The following LIMS1 variants were observed in gnomAD, a reference collection of about 807,000 sequenced individuals.
LIMS1 encodes the protein LIM zinc finger domain containing 1.
In LIMS1, 18 loss-of-function variants were observed where a neutral mutation model predicts 44.1. That is an observed-to-expected ratio of 0.41 (90% CI 0.28 to 0.61). LIMS1 has a LOEUF of 0.61. Ranked by LOEUF, LIMS1 falls within the 20% of genes least tolerant of loss-of-function variation. LIMS1 has a pLI of 0.32. For synonymous variants in LIMS1, 93 were observed against 149.1 expected, an observed-to-expected ratio of 0.62 and a Z score of 2.74; for missense variants, 201 against 422.0, an observed-to-expected ratio of 0.48 and a Z score of 4.59.
intron 1 of LIMS1, among the ~76,000 whole-genome samples, chr2:108,549,129 A>G (rs1379413392): frequency 1.3e-5 from 2 of 152,070 alleles, no homozygotes; most frequent in Non-Finnish European, 2.9e-5. Context: ...ATAAATAATG[A>G]TGCGCAGTAT....
At chr2:108,544,393 A>G (rs1371697800) in intron 1 of LIMS1, among the ~76,000 whole-genome samples, 1 of 152,198 alleles carries the variant, frequency 6.6e-6, no homozygotes, top group Non-Finnish European at 1.5e-5. Flanking sequence ...ATGTCATGAA[A>G]TCTATGCTTT....
intron 1 of LIMS1, among the ~76,000 whole-genome samples, chr2:108,535,497 G>A (rs1262860328): frequency 6.6e-6 from 1 of 152,160 alleles, no homozygotes; most frequent in Admixed American, 6.5e-5. Flanking sequence ...TCCTTGGTCT[G>A]TCTTGCAGTT....
exon 10 of LIMS1, chr2:108,685,655 C>T (rs1558849067): frequency 6.6e-6 from 1 of 152,110 alleles, no homozygotes; most frequent in East Asian, 1.9e-4. Context: ...ATAATCATCA[C>T]ATAGTTTAAG....
rs148806948 is a variant in LIMS1 at position 108,619,931 on chromosome 2, C to T, written c.33-39674C>T. Reference sequence around the variant, plus strand: ...ATTACCGGTTTTTTGTATACCCTCCCGGAGACAGATGTAACTGTCAACTGA... The same window carrying T: ...ATTACCGGTTTTTTGTATACCCTCCTGGAGACAGATGTAACTGTCAACTGA... On this transcript the variant is annotated intron_variant, in intron 1 of 9. Coordinates refer to ENST00000544547, the Ensembl canonical transcript of LIMS1. Among the ~76,000 whole-genome samples the T allele has an allele frequency of 4.5e-3, 691 of 152,250 alleles. 2 individuals carry two copies. Among genetic ancestry groups the T allele is most frequent in the Non-Finnish European group, 5.9e-3 (398 of 68,020 alleles).
At chr2:108,589,071 A>G (rs558699930) in intron 1 of LIMS1, among the ~76,000 whole-genome samples, 34 of 152,260 alleles carry the variant, frequency 2.2e-4, no homozygotes, top group African/African-American at 7.9e-4. Flanking sequence ...TTGGTGGGGA[A>G]ATGTACTATT....
intron 1 of LIMS1, among the ~76,000 whole-genome samples, chr2:108,566,246 A>G (rs1685284426): frequency 6.6e-6 from 1 of 152,156 alleles, no homozygotes; most frequent in Non-Finnish European, 1.5e-5. Flanking sequence ...TTCCTGGCAT[A>G]TCACGCAGAG....
At chr2:108,578,860 C>T (rs1459531737) in intron 1 of LIMS1, among the ~76,000 whole-genome samples, 2 of 152,098 alleles carry the variant, frequency 1.3e-5, no homozygotes, top group Non-Finnish European at 2.9e-5. Flanking sequence ...TCCCAAAGTG[C>T]TGGGATTACA....
At chr2:108,583,146 C>T (rs1685951579) in intron 1 of LIMS1, among the ~76,000 whole-genome samples, 1 of 151,834 alleles carries the variant, frequency 6.6e-6, no homozygotes, top group Non-Finnish European at 1.5e-5. Context: ...TCAAGCAATG[C>T]CTCAGCCTCA....
chr2:108,590,364 G>A (rs1686319568), intron 1 of LIMS1, among the ~76,000 whole-genome samples: 1 of 152,190 alleles, frequency 6.6e-6, no homozygotes, highest in Non-Finnish European at 1.5e-5. Flanking sequence ...AAAAGAGGAT[G>A]ATCATTTTAA....
chr2:108,548,259 C>G (rs1684555456), intron 1 of LIMS1, among the ~76,000 whole-genome samples: 3 of 150,560 alleles, frequency 2.0e-5, no homozygotes, highest in African/African-American at 7.3e-5. Context: ...AGGGTAATTG[C>G]TGAAACAATT....
chr2:108,534,744 C>T (rs1227701287), intron 1 of LIMS1, 150 bp downstream of exon 1: 4 of 256,626 alleles, frequency 1.6e-5, no homozygotes, highest in East Asian at 3.6e-4. Flanking sequence ...CCCCAGCGCT[C>T]GGGTGGCGGC....
chr2:108,591,801 GT>G (rs771392534), intron 1 of LIMS1, among the ~76,000 whole-genome samples: 23,161 of 65,964 alleles, frequency 0.35, 1,984 homozygotes, highest in African/African-American at 0.39. Context: ...TTTTTTTTTT[GT>G]TTTTTTTTTT....
intron 9 of LIMS1, among the ~76,000 whole-genome samples, chr2:108,682,340 A>C (rs1693059213): frequency 6.6e-6 from 1 of 152,112 alleles, no homozygotes. Context: ...TCTACTAAAA[A>C]TACAAAAAAA....
chr2:108,551,598 ATATATATATGTATATATATG>A (rs201865902), intron 1 of LIMS1, among the ~76,000 whole-genome samples: 1 of 140,638 alleles, frequency 7.1e-6, no homozygotes, highest in Non-Finnish European at 1.5e-5. Context: ...CATGGTTCCT[ATATATATATGTATATATATG>A]TATATATGTG....
chr2:108,535,091 T>C (rs962561221), intron 1 of LIMS1, among the ~76,000 whole-genome samples: 3 of 152,216 alleles, frequency 2.0e-5, no homozygotes, highest in Non-Finnish European at 2.9e-5. Context: ...AGGGTTTTGC[T>C]AAAACAAAAG....
At chr2:108,637,095 ATATATGTGTGTG>A (rs1245606861) in intron 1 of LIMS1, among the ~76,000 whole-genome samples, 3 of 81,508 alleles carry the variant, frequency 3.7e-5, no homozygotes, top group East Asian at 2.2e-3. Context: ...CAAAATATAC[ATATATGTGTGTG>A]TGTGTGTGTG....
intron 1 of LIMS1, among the ~76,000 whole-genome samples, chr2:108,557,763 G>T (rs141450568): frequency 6.6e-6 from 1 of 152,138 alleles, no homozygotes; most frequent in African/African-American, 2.4e-5. Context: ...TGATCCACCT[G>T]CCTCAGCCTC....
At chr2:108,667,688 T>C (rs1269113319) in intron 2 of LIMS1, among the ~76,000 whole-genome samples, 3 of 151,750 alleles carry the variant, frequency 2.0e-5, no homozygotes, top group Non-Finnish European at 2.9e-5. Context: ...TACACAGTCG[T>C]CTTATGGTAT....
At chr2:108,558,222 C>T (rs1573324770) in intron 1 of LIMS1, among the ~76,000 whole-genome samples, 2 of 144,086 alleles carry the variant, frequency 1.4e-5, no homozygotes, top group African/African-American at 2.5e-5. Flanking sequence ...GCATTTTTTT[C>T]TTTTTTTTTT....
Sources: allele counts gnomAD v4.1 joint callset (sites outside exome capture counted in the v4.1 genomes callset), GRCh38; gene constraint gnomAD v4.1.1; transcripts MANE v1.5; gene names NCBI Gene and HGNC (gene_info 2026-07-23, HGNC 2026-07-21).